The following KCNQ1 variants were observed in gnomAD, a reference collection of about 807,000 sequenced individuals.
KCNQ1 encodes potassium voltage-gated channel subfamily KQT member 1.
Under a neutral mutation model 72.4 loss-of-function variants are expected in KCNQ1, and 49 were observed. The observed-to-expected ratio is 0.68, with a 90% CI of 0.54 to 0.86. The LOEUF (loss-of-function observed/expected upper bound fraction) is 0.86. KCNQ1 is among the 40% of genes least tolerant of loss of function. KCNQ1 has a pLI of 0.00. For synonymous variants in KCNQ1, 450 were observed against 412.6 expected, an observed-to-expected ratio of 1.09 and a Z score of -1.10; for missense variants, 790 against 945.1, an observed-to-expected ratio of 0.84 and a Z score of 2.15.
At chr11:2,466,803 A>T (rs1589895610) in intron 1 of KCNQ1, among the ~76,000 whole-genome samples, 1 of 151,944 alleles carries the variant, frequency 6.6e-6, no homozygotes. Flanking sequence ...CAGTCATCCT[A>T]TCTGGAAACA....
intron 10 of KCNQ1, chr11:2,646,090 A>C (rs1849661220): frequency 2.5e-6 from 1 of 397,350 alleles, no homozygotes; most frequent in Non-Finnish European, 4.4e-6. Flanking sequence ...AGACTGCCTG[A>C]CTCCCCTCTT....
chr11:2,833,424 G>A (rs1847994321), intron 15 of KCNQ1, among the ~76,000 whole-genome samples: 1 of 152,162 alleles, frequency 6.6e-6, no homozygotes, highest in Admixed American at 6.5e-5. Context: ...TGTGAAGACT[G>A]CATAGATGTG....
In KCNQ1 at chr11:2,664,448, G is replaced by A; in HGVS notation, c.1514+2367G>A. The A allele has an allele frequency of 5.0e-6, 2 of 398,676 alleles. No individual in the cohort carries two copies. Among genetic ancestry groups the A allele is most frequent in the Non-Finnish European group, 8.8e-6 (2 of 226,124 alleles). The allele number at this position is 398,676 out of a possible 1,614,324, so 24.7% of individuals were successfully genotyped here. Reference sequence around the variant, plus strand: ...GGGCCTAGGAACCCAGGCTCCTCTGGGATACAGGCTGGGTAGAGGCCCCAC... The same window carrying A: ...GGGCCTAGGAACCCAGGCTCCTCTGAGATACAGGCTGGGTAGAGGCCCCAC... On this transcript the variant is annotated intron_variant, in intron 11 of 15. Transcript: ENST00000155840. The surrounding 1 kb of genome is among the most constrained non-coding windows in gnomAD (Gnocchi z 5.1).
intron 13 of KCNQ1, among the ~76,000 whole-genome samples, chr11:2,776,633 C>T (rs556696979): frequency 6.6e-6 from 1 of 152,314 alleles, no homozygotes; most frequent in Admixed American, 6.5e-5. Context: ...GGAACTAGCT[C>T]CGTGTGTTAC....
At position 2,463,268 on chromosome 11, in the gene KCNQ1, A is replaced by G. The variant is rs1163887540; in HGVS notation, c.386+17784A>G. ...CCCTACCTGCCAGTGGGTGACACAG[A>G]AGGCAGGAATGCAGAAGGCCTTTCA... On this transcript the variant is annotated intron_variant, in intron 1 of 15. Transcript: ENST00000155840. This position sits in a 1 kb window ranked among gnomAD's most constrained non-coding sequence, Gnocchi z 7.0. Among the ~76,000 whole-genome samples, 2 of 152,116 alleles carry G rather than the reference A, an allele frequency of 1.3e-5. No homozygotes were observed. Among genetic ancestry groups the G allele is most frequent in the Non-Finnish European group, 1.5e-5 (1 of 67,994 alleles).
In KCNQ1 at chr11:2,657,140, T is replaced by G. The variant is rs1384260878; in HGVS notation, c.1394-4821T>G. The G allele has an allele frequency of 2.5e-6, 1 of 398,536 alleles. No homozygotes were observed. Among genetic ancestry groups the G allele is most frequent in the African/African-American group, 2.1e-5 (1 of 48,634 alleles). 24.7% of individuals were successfully genotyped at this position (398,536 alleles called of 1,614,324 possible). On this transcript the variant is annotated intron_variant, in intron 10 of 15. Coordinates refer to ENST00000155840, the MANE Select transcript of KCNQ1 (RefSeq NM_000218.3). This position sits in a 1 kb window ranked among gnomAD's most constrained non-coding sequence, Gnocchi z 4.8. Reference sequence around the variant, plus strand: ...ATGACCACTGCCTTGGAAGAAGTACTGATGTTTGGTACAGCAAGTTCTCCC... The same window carrying G: ...ATGACCACTGCCTTGGAAGAAGTACGGATGTTTGGTACAGCAAGTTCTCCC...
chr11:2,781,989 G>A lies in KCNQ1; in HGVS notation c.1794+3952G>A, dbSNP rs981361441. Among the ~76,000 whole-genome samples, 7 of 152,022 alleles carry A rather than the reference G, an allele frequency of 4.6e-5. No homozygotes were observed. Among genetic ancestry groups the A allele is most frequent in the African/African-American group, 1.7e-4 (7 of 41,392 alleles). On this transcript the variant is annotated intron_variant, in intron 15 of 15. Coordinates refer to ENST00000155840, the MANE Select transcript of KCNQ1 (RefSeq NM_000218.3). The surrounding 1 kb of genome is among the most constrained non-coding windows in gnomAD (Gnocchi z 6.6). Reference sequence around the variant, plus strand: ...CCTGCCCATGCCTTTACCAAGCTTCGTGCATGACCCCAACCTCCAGGATGC... The same window carrying A: ...CCTGCCCATGCCTTTACCAAGCTTCATGCATGACCCCAACCTCCAGGATGC...
chr11:2,770,503 CA>C (rs757191588), intron 12 of KCNQ1, among the ~76,000 whole-genome samples: 2 of 152,256 alleles, frequency 1.3e-5, no homozygotes, highest in Non-Finnish European at 1.5e-5. Context: ...CCACCATCTC[CA>C]GGGGGGTTTC....
In KCNQ1 at chr11:2,645,915, T is replaced by G; in HGVS notation, c.1394-16046T>G. On this transcript the variant is annotated intron_variant, in intron 10 of 15. Coordinates refer to ENST00000155840, the MANE Select transcript of KCNQ1 (RefSeq NM_000218.3). The surrounding 1 kb of genome is among the most constrained non-coding windows in gnomAD (Gnocchi z 5.8). Reference sequence around the variant, plus strand: ...GGAGCTGTTCATTGCCATTTCACAGTCTGTAGGTAGCCTCTTGTTAGTCTC... The same window carrying G: ...GGAGCTGTTCATTGCCATTTCACAGGCTGTAGGTAGCCTCTTGTTAGTCTC... 1 of 398,598 alleles carries G rather than the reference T, an allele frequency of 2.5e-6. No individual in the cohort carries two copies. Among genetic ancestry groups the G allele is most frequent in the Non-Finnish European group, 4.4e-6 (1 of 226,066 alleles). The allele number at this position is 398,598 out of a possible 1,614,324, so 24.7% of individuals were successfully genotyped here. A position where few individuals can be genotyped will look rare whatever the true frequency, so the allele number is the denominator to read the frequency against.
chr11:2,654,097 C>G lies in KCNQ1; in HGVS notation c.1394-7864C>G, dbSNP rs1339831327. 6 of 398,666 alleles carry G rather than the reference C, an allele frequency of 1.5e-5. No homozygotes were observed. Among genetic ancestry groups the G allele is most frequent in the Non-Finnish European group, 2.7e-5 (6 of 226,170 alleles). 24.7% of individuals were successfully genotyped at this position (398,666 alleles called of 1,614,324 possible). On this transcript the variant is annotated intron_variant, in intron 10 of 15. Coordinates refer to ENST00000155840, the MANE Select transcript of KCNQ1 (RefSeq NM_000218.3). The surrounding 1 kb of genome is among the most constrained non-coding windows in gnomAD (Gnocchi z 6.4). The stretch of plus-strand genomic sequence containing the variant: ...TTCCATCCATGTCCCTTACTTCTCG[C>G]CTCTGAGTGGAGACACAGGTGGTGG...
At chr11:2,794,120 G>A (rs953816482) in intron 15 of KCNQ1, among the ~76,000 whole-genome samples, 4 of 152,172 alleles carry the variant, frequency 2.6e-5, no homozygotes, top group East Asian at 3.9e-4. Flanking sequence ...CTCCGGCTTC[G>A]TGGGAGGAGG....
rs1849753252 is a variant in KCNQ1, at chr11:2,651,314, A to G, written c.1394-10647A>G. On this transcript the variant is annotated intron_variant, in intron 10 of 15. Transcript: ENST00000155840. This position sits in a 1 kb window ranked among gnomAD's most constrained non-coding sequence, Gnocchi z 6.1. ...GTGGGCAGCTGGGAAGCTGCACAGA[A>G]CACTCCTCAGAGTTCTACAAGCGGC... The G allele has an allele frequency of 1.0e-5, 4 of 398,594 alleles. No individual in the cohort carries two copies. The highest frequency in any genetic ancestry group is 2.1e-5 in the African/African-American group (1 of 48,648). The allele number at this position is 398,594 out of a possible 1,614,324, so 24.7% of individuals were successfully genotyped here. A position where few individuals can be genotyped will look rare whatever the true frequency, so the allele number is the denominator to read the frequency against.
At position 2,464,094 on chromosome 11, in the gene KCNQ1, A is replaced by G. The variant is rs1332858065; in HGVS notation, c.386+18610A>G. Among the ~76,000 whole-genome samples the G allele has an allele frequency of 6.6e-6, 1 of 152,148 alleles. No homozygotes were observed. The highest frequency in any genetic ancestry group is 1.5e-5 in the Non-Finnish European group (1 of 68,026). On this transcript the variant is annotated intron_variant, in intron 1 of 15. Coordinates refer to ENST00000155840, the MANE Select transcript of KCNQ1 (RefSeq NM_000218.3). This position sits in a 1 kb window ranked among gnomAD's most constrained non-coding sequence, Gnocchi z 5.0. The stretch of plus-strand genomic sequence containing the variant: ...CCGGGATGTTTGCAGGACCCACGGG[A>G]CAATTAGAACGACTGGGCCTGACTG...
In KCNQ1 at chr11:2,471,762, G is replaced by T. The variant is rs978967416; in HGVS notation, c.386+26278G>T. Among the ~76,000 whole-genome samples the T allele has an allele frequency of 6.6e-6, 1 of 151,534 alleles. No individual in the cohort carries two copies. Among genetic ancestry groups the T allele is most frequent in the Non-Finnish European group, 1.5e-5 (1 of 67,946 alleles). On this transcript the variant is annotated intron_variant, in intron 1 of 15. Coordinates refer to ENST00000155840, the MANE Select transcript of KCNQ1 (RefSeq NM_000218.3). This position sits in a 1 kb window ranked among gnomAD's most constrained non-coding sequence, Gnocchi z 4.8. ...TGTGCATGGGCGTGTGTGTACTTGT[G>T]TATGGGTGTGTGCATGTGATTGGGT... is the stretch of plus-strand genomic sequence containing the variant.
chr11:2,701,102 G>C (rs549871876), intron 11 of KCNQ1, among the ~76,000 whole-genome samples: 187 of 152,268 alleles, frequency 1.2e-3, no homozygotes, highest in African/African-American at 4.3e-3. Context: ...CCAGCCAAGC[G>C]AGCCAGCCGT....
rs1028434521 is a variant in KCNQ1 at position 2,817,603 on chromosome 11, G to A, written c.1795-30164G>A. ...GTCCCTGGCCAGGGAGGTGGAGGAC[G>A]CTGGGCAGAGCCCTGGGCATTAACT... On this transcript the variant is annotated intron_variant, in intron 15 of 15. Transcript: ENST00000155840. This position sits in a 1 kb window ranked among gnomAD's most constrained non-coding sequence, Gnocchi z 6.1. Among the ~76,000 whole-genome samples, 1 of 151,838 alleles carries A rather than the reference G, an allele frequency of 6.6e-6. No individual in the cohort carries two copies. The highest frequency in any genetic ancestry group is 2.4e-5 in the African/African-American group (1 of 41,338).
In KCNQ1 at chr11:2,848,762, CA is replaced by C. The variant is rs1848396429; in HGVS notation, c.*760del. The stretch of plus-strand genomic sequence containing the variant: ...GGGCTCCCGCCTCCAACCCCTCGCC[CA>C]GTCCCAGCAGCCAGCCAAACACACA... On this transcript the variant is annotated 3_prime_UTR_variant, in exon 16 of 16. Transcript: ENST00000155840. 1 of 454,018 alleles carries C rather than the reference CA, an allele frequency of 2.2e-6. No homozygotes were observed. Among genetic ancestry groups the C allele is most frequent in the African/African-American group, 2.0e-5 (1 of 50,010 alleles). The allele number at this position is 454,018 out of a possible 1,614,324, so 28.1% of individuals were successfully genotyped here.
Position 2,755,147 on chromosome 11 carries a change from A to G in KCNQ1, c.1515-13697A>G, listed in dbSNP as rs1450245706. Among the ~76,000 whole-genome samples, 7 of 151,778 alleles carry G rather than the reference A, an allele frequency of 4.6e-5. No homozygotes were observed. The East Asian group carries it at 7.7e-4, about 17-fold the overall frequency. ...TCCTTGGCCTTTAGCCCCTTCCTCT[A>G]TCTTCAGAGCCATCATGTTCCTCCT... On this transcript the variant is annotated intron_variant, in intron 11 of 15. Transcript: ENST00000155840.
intron 11 of KCNQ1, among the ~76,000 whole-genome samples, chr11:2,763,544 T>C (rs1846446222): frequency 6.6e-6 from 1 of 151,964 alleles, no homozygotes; most frequent in African/African-American, 2.4e-5. Context: ...GTAATTGATA[T>C]GTTTTATTTT....
Sources: gnomAD v4.1 joint callset for allele counts (sites outside exome capture counted in the v4.1 genomes callset) on GRCh38, gnomAD v4.1.1 for gene constraint, Gnocchi (gnomAD v3.1) non-coding constraint, MANE v1.5 for transcripts, NCBI Gene and HGNC (gene_info 2026-07-23, HGNC 2026-07-21) for gene names.